CEP192: variants seen among roughly 807,000 people sequenced by gnomAD.
The protein encoded by CEP192 is centrosomal protein 192, also known as centrosomal protein of 192 kDa.
In CEP192, 151 loss-of-function variants were observed where a neutral mutation model predicts 271.8. That is an observed-to-expected ratio of 0.56 (90% CI 0.49 to 0.64). CEP192 has a LOEUF of 0.64. CEP192 is among the 30% of genes least tolerant of loss of function. The pLI is 0.00. For missense variants in CEP192, 2,910 were observed against 3,020.5 expected (o/e 0.96, Z 0.86); for synonymous variants, 995 against 1,076.5 (o/e 0.92, Z 1.48).
At chr18:13,010,604 T>C (rs1450972631) in intron 4 of CEP192, among the ~76,000 whole-genome samples, 1 of 152,184 alleles carries the variant, frequency 6.6e-6, no homozygotes, top group Non-Finnish European at 1.5e-5. Context: ...CTCAGCACTT[T>C]GGGTGGCCAA....
rs150199845 is a variant in CEP192 at position 13,049,334 on chromosome 18, A to G, written c.2543A>G (p.Glu848Gly). The change falls in exon 16 of 45, where the codon GAA becomes GGA. Residue 848 changes from glutamate to glycine, a missense_variant. Transcript: ENST00000506447. The stretch of plus-strand genomic sequence containing the variant: ...AACACAGCAGCTATTGTTTATGTTG[A>G]AAATGGAGAGAGTGAGAATCAAGAG... ...EENTAAIVYV[E>G]NGESENQESF... is the part of the protein sequence containing the mutation. The G allele has an allele frequency of 3.1e-6, 5 of 1,614,170 alleles. No individual in the cohort carries two copies. The highest frequency in any genetic ancestry group is 3.4e-6 in the Non-Finnish European group (4 of 1,180,018).
At chr18:13,017,057 A>G in intron 6 of CEP192, 131 bp from the exon 7 acceptor site, 1 of 631,008 alleles carries the variant, frequency 1.6e-6, no homozygotes, top group Non-Finnish European at 2.7e-6. Flanking sequence ...TAGTTTTCTC[A>G]TGTCAAACAA....
chr18:13,075,343 G>A lies in CEP192; in HGVS notation c.5616+2158G>A, dbSNP rs2038214886. ...AGCAGTTTGGGAGGCTGAGGCAGGT[G>A]GATCACGAGGTCAAGAGATCAAGAC... On this transcript the variant is annotated intron_variant, in intron 30 of 44. Transcript: ENST00000506447. Among the ~76,000 whole-genome samples, 5 of 152,072 alleles carry A rather than the reference G, an allele frequency of 3.3e-5. No homozygotes were observed. In the South Asian group the frequency reaches 1.0e-3, roughly 32 times the overall value.
At chr18:13,027,407 C>G (rs970587032) in intron 9 of CEP192, among the ~76,000 whole-genome samples, 1 of 152,208 alleles carries the variant, frequency 6.6e-6, no homozygotes, top group Non-Finnish European at 1.5e-5. Context: ...ATGACTGGAT[C>G]CTCTGGAGTT....
At chr18:13,030,845 T>G (rs2035579888) in intron 11 of CEP192, among the ~76,000 whole-genome samples, 1 of 152,154 alleles carries the variant, frequency 6.6e-6, no homozygotes, top group Non-Finnish European at 1.5e-5. Context: ...ATTTGTATAC[T>G]ACCGTGTAGA....
At position 13,121,294 on chromosome 18, in the gene CEP192, A is replaced by G. The variant is rs76643375; in HGVS notation, c.7476-3338A>G. On this transcript the variant is annotated intron_variant, in intron 44 of 44. Coordinates refer to ENST00000506447, the MANE Select transcript of CEP192 (RefSeq NM_032142.4). ...CCATTAACTACACATTTCCAAAGCA[A>G]TAATAGGATTGTAGTCATCTGTAGG... 3.8e-3 allele frequency among the ~76,000 whole-genome samples: 582 copies of G among 152,310 alleles called. 6 individuals are homozygous for G. The highest frequency in any genetic ancestry group is 0.037 in the East Asian group (191 of 5,186).
chr18:13,117,783 G>GC, intron 44 of CEP192, 140 bp downstream of exon 44: 1 of 590,318 alleles, frequency 1.7e-6, no homozygotes, highest in Non-Finnish European at 3.0e-6. Flanking sequence ...CAGAGTCTCC[G>GC]CAAGTAGAAG....
At chr18:13,095,747 C>T in intron 35 of CEP192, 66 bp downstream of exon 35, 1 of 1,389,600 alleles carries the variant, frequency 7.2e-7, no homozygotes. Flanking sequence ...TCCCATTGTG[C>T]CCATGGCCTA....
chr18:13,013,331 TTGTGTG>T (rs1034366366), intron 5 of CEP192, among the ~76,000 whole-genome samples: 7 of 151,960 alleles, frequency 4.6e-5, no homozygotes, highest in Non-Finnish European at 1.5e-5. Context: ...AAGCATTTCT[TTGTGTG>T]TGTGTGTATG....
intron 17 of CEP192, among the ~76,000 whole-genome samples, chr18:13,051,760 G>T (rs2036806541): frequency 6.6e-6 from 1 of 152,144 alleles, no homozygotes; most frequent in African/African-American, 2.4e-5. Flanking sequence ...AAACGGGATG[G>T]TCTTGATCTC....
Position 13,049,379 on chromosome 18 carries a change from C to T in CEP192, c.2588C>T (p.Ser863Phe). 6.2e-7 allele frequency: 1 copy of T among 1,613,992 alleles called. No individual in the cohort carries two copies. The highest frequency in any genetic ancestry group is 8.5e-7 in the Non-Finnish European group (1 of 1,179,984). The change falls in exon 16 of 45, where the codon TCC becomes TTC. Residue 863 changes from serine (S) to phenylalanine (F), a missense_variant. By Grantham distance (155) the Ser-to-Phe change is radical. Coordinates refer to ENST00000506447, the MANE Select transcript of CEP192 (RefSeq NM_032142.4). ...ENQESFRTINSSNSVTNRENN... is the reference protein window; with the variant it reads ...ENQESFRTINFSNSVTNRENN... ...CAAGAGTCATTTAGAACCATAAACT[C>T]CTCAAATTCAGTTACAAATAGAGAG...
intron 30 of CEP192, among the ~76,000 whole-genome samples, chr18:13,074,469 A>C (rs1236702452): frequency 2.6e-5 from 4 of 152,142 alleles, no homozygotes; most frequent in African/African-American, 9.7e-5. Context: ...AGACTTCTTG[A>C]ATATATTCTG....
At chr18:13,032,962 A>G (rs80156903) in intron 11 of CEP192, among the ~76,000 whole-genome samples, 5,536 of 152,282 alleles carry the variant, frequency 0.036, 319 homozygotes, top group African/African-American at 0.12. Flanking sequence ...CAGCTGGGCA[A>G]TGCACTCCTG....
Position 13,001,509 on chromosome 18 carries a change from T to G in CEP192, c.217T>G (p.Ser73Ala). 6.4e-7 allele frequency: 1 copy of G among 1,550,400 alleles called. No individual in the cohort carries two copies. Among genetic ancestry groups the G allele is most frequent in the Non-Finnish European group, 8.7e-7 (1 of 1,146,014 alleles). ...YLVEGRFSVP[S>A]GSSPGSQSDA... ...AGTAGAAGGGAGATTTTCAGTTCCATCCGGGTCATCTCCCGGAAGCCAGAG... is the reference window on the plus strand; with the variant it reads ...AGTAGAAGGGAGATTTTCAGTTCCAGCCGGGTCATCTCCCGGAAGCCAGAG... Residue 73 changes from serine (S) to alanine (A), a missense_variant, in exon 3 of 45, where the codon TCC (serine) becomes GCC (alanine). By Grantham distance (99) the Ser-to-Ala change is moderately conservative (BLOSUM62 1). Transcript: ENST00000506447.
At chr18:12,995,087 A>C (rs1436631435) in intron 1 of CEP192, among the ~76,000 whole-genome samples, 1 of 115,978 alleles carries the variant, frequency 8.6e-6, no homozygotes, top group Non-Finnish European at 1.6e-5. Flanking sequence ...TTTGAGACGG[A>C]GTCTCGCTCT....
intron 15 of CEP192, among the ~76,000 whole-genome samples, chr18:13,047,152 T>A (rs1568330246): frequency 1.3e-5 from 2 of 152,294 alleles, no homozygotes; most frequent in East Asian, 3.9e-4. Flanking sequence ...CAGACTGGAT[T>A]TATGTCTGCT....
chr18:13,055,128 A>C (rs2037014447), intron 18 of CEP192, among the ~76,000 whole-genome samples: 1 of 151,906 alleles, frequency 6.6e-6, no homozygotes, highest in Non-Finnish European at 1.5e-5. Context: ...AAATACAAAA[A>C]ATTAGCTGGG....
In CEP192 at chr18:13,071,085, G is replaced by C; in HGVS notation, c.5221G>C (p.Val1741Leu). 6.2e-7 allele frequency: 1 copy of C among 1,613,970 alleles called. No individual in the cohort carries two copies. The highest frequency in any genetic ancestry group is 1.1e-5 in the South Asian group (1 of 91,082). Reference sequence around the variant, plus strand: ...GCCATTTGGACCTCAGTATGAGGTAGTGTTAAAAGGCGAAGTCATTTCTTC... The same window carrying C: ...GCCATTTGGACCTCAGTATGAGGTACTGTTAAAAGGCGAAGTCATTTCTTC... The part of the protein sequence containing the change: ...VQPFGPQYEV[V>L]LKGEVISSGS... The change falls in exon 28 of 45, where the codon GTG becomes CTG. Residue 1741 changes from valine to leucine, a missense_variant. By Grantham distance (32) the Val-to-Leu change is conservative. Coordinates refer to ENST00000506447, the MANE Select transcript of CEP192 (RefSeq NM_032142.4).
At chr18:13,038,633 G>A in intron 13 of CEP192, 54 bp downstream of exon 13, 1 of 1,291,084 alleles carries the variant, frequency 7.7e-7, no homozygotes, top group South Asian at 1.3e-5. Context: ...TAGATTTTGA[G>A]TATTATGATG....
Sources: gnomAD v4.1 joint callset for allele counts (sites outside exome capture counted in the v4.1 genomes callset) on GRCh38, gnomAD v4.1.1 for gene constraint, MANE v1.5 for transcripts, NCBI Gene and HGNC (gene_info 2026-07-23, HGNC 2026-07-21) for gene names.